Variants in UROS observed in about 807,000 individuals in gnomAD.
UROS encodes the protein uroporphyrinogen-III synthase.
A neutral mutation model predicts 33.0 loss-of-function variants in UROS; 18 were observed. The observed-to-expected ratio is 0.55, with a 90% CI of 0.38 to 0.81. UROS has a LOEUF of 0.81. Among genes scored for constraint, UROS ranks in the 30% least tolerant of loss-of-function variants. The pLI, the probability that UROS is intolerant of heterozygous loss-of-function variation, is 0.00. For synonymous variants in UROS, 114 were observed against 121.1 expected (o/e 0.94, Z 0.38); for missense variants, 293 against 314.9 (o/e 0.93, Z 0.53).
chr10:125,814,936 T>A, intron 4 of UROS, 98 bp downstream of exon 4: 1 of 1,368,134 alleles, frequency 7.3e-7, no homozygotes, highest in Non-Finnish European at 1.0e-6. Context: ...AGCACTCACT[T>A]CTCTTAGAAG....
intron 6 of UROS, chr10:125,802,296 T>C (rs1044068232): frequency 4.7e-5 from 46 of 985,806 alleles, no homozygotes; most frequent in Non-Finnish European, 5.3e-5. Flanking sequence ...GCCCAACCAG[T>C]GCTCTCTGAT....
chr10:125,811,590 C>A (rs998798402), intron 5 of UROS, among the ~76,000 whole-genome samples: 21 of 152,180 alleles, frequency 1.4e-4, no homozygotes, highest in African/African-American at 5.1e-4. Context: ...ACTATTTTCA[C>A]TCATATTATA....
chr10:125,808,974 C>T (rs538394360), intron 5 of UROS, among the ~76,000 whole-genome samples: 2 of 152,372 alleles, frequency 1.3e-5, no homozygotes, highest in African/African-American at 4.8e-5. Flanking sequence ...CAAGTAAAAG[C>T]TGACAGTGAA....
At chr10:125,804,782 C>A (rs1048650806) in intron 6 of UROS, among the ~76,000 whole-genome samples, 1 of 152,184 alleles carries the variant, frequency 6.6e-6, no homozygotes, top group Non-Finnish European at 1.5e-5. Flanking sequence ...GCCCACCATA[C>A]AAAAACTGTT....
intron 1 of UROS, among the ~76,000 whole-genome samples, chr10:125,820,775 G>C (rs944946279): frequency 2.6e-5 from 4 of 152,188 alleles, no homozygotes; most frequent in African/African-American, 9.7e-5. Context: ...ATGGAATTTG[G>C]ATCCTGGTCT....
intron 8 of UROS, 106 bp from the exon 9 acceptor site, chr10:125,795,084 C>T (rs113296761): frequency 1.1e-5 from 12 of 1,093,910 alleles, no homozygotes; most frequent in South Asian, 5.1e-5. Flanking sequence ...GCCACCAAGG[C>T]GGTTTTAGCA....
At chr10:125,802,009 C>T in intron 6 of UROS, 5 of 985,192 alleles carry the variant, frequency 5.1e-6, no homozygotes, top group Non-Finnish European at 6.0e-6. Context: ...GTCAGCCACC[C>T]ATAGAAATAA....
chr10:125,796,095 C>T lies in UROS; in HGVS notation c.561+8G>A, dbSNP rs772629473. On this transcript the variant is annotated splice_region_variant and intron_variant, in intron 8 of 9. Coordinates refer to ENST00000368797, the MANE Select transcript of UROS (RefSeq NM_000375.3). Reference sequence around the variant, plus strand: ...ACCCTGCCAGAACCGCCCCCAAACGCCACGTACCTGCTGGGAATAGTAGCT... The same window carrying T: ...ACCCTGCCAGAACCGCCCCCAAACGTCACGTACCTGCTGGGAATAGTAGCT... 91 of 1,613,932 alleles carry T rather than the reference C, an allele frequency of 5.6e-5. No homozygotes were observed. The highest frequency in any genetic ancestry group is 7.2e-5 in the Non-Finnish European group (85 of 1,179,996).
At chr10:125,812,158 A>G in intron 5 of UROS, 56 bp downstream of exon 5, 1 of 1,542,868 alleles carries the variant, frequency 6.5e-7, no homozygotes, top group Non-Finnish European at 8.9e-7. Flanking sequence ...ACTGTTTTTT[A>G]AAACTGAAAA....
intron 3 of UROS, 131 bp downstream of exon 3, chr10:125,816,046 G>C: frequency 4.1e-6 from 4 of 971,586 alleles, no homozygotes; most frequent in Non-Finnish European, 6.4e-6. Context: ...CCTGGAGCCA[G>C]GTGAAGTTAT....
chr10:125,798,387 C>G (rs1188636137), intron 6 of UROS, among the ~76,000 whole-genome samples: 2 of 152,204 alleles, frequency 1.3e-5, no homozygotes, highest in African/African-American at 4.8e-5. Context: ...AATGAACATC[C>G]ACACAAACAA....
chr10:125,808,652 T>C (rs1388853768), intron 5 of UROS, among the ~76,000 whole-genome samples: 1 of 152,236 alleles, frequency 6.6e-6, no homozygotes, highest in Non-Finnish European at 1.5e-5. Context: ...CTCTCATATA[T>C]AGCTTTGCTG....
intron 5 of UROS, among the ~76,000 whole-genome samples, chr10:125,807,754 G>C (rs79189246): frequency 6.6e-6 from 1 of 152,114 alleles, no homozygotes; most frequent in East Asian, 1.9e-4. Context: ...TCTACAAGAG[G>C]GGGAAAAACC....
intron 6 of UROS, among the ~76,000 whole-genome samples, chr10:125,804,569 T>A (rs1806388281): frequency 6.6e-6 from 1 of 152,204 alleles, no homozygotes; most frequent in African/African-American, 2.4e-5. Context: ...CCAATACTTG[T>A]ATCTAAAGTG....
intron 6 of UROS, among the ~76,000 whole-genome samples, chr10:125,799,650 C>T (rs1258308450): frequency 6.6e-6 from 1 of 152,202 alleles, no homozygotes; most frequent in Non-Finnish European, 1.5e-5. Flanking sequence ...CTGAGGGCAG[C>T]TGCTTGTCTC....
At chr10:125,800,047 G>A (rs1199714181) in intron 6 of UROS, among the ~76,000 whole-genome samples, 2 of 152,136 alleles carry the variant, frequency 1.3e-5, no homozygotes, top group Non-Finnish European at 2.9e-5. Flanking sequence ...GGGCTGTCCG[G>A]GCTGATGATG....
chr10:125,797,105 T>G (rs896385868), intron 7 of UROS, among the ~76,000 whole-genome samples: 1 of 152,186 alleles, frequency 6.6e-6, no homozygotes, highest in African/African-American at 2.4e-5. Context: ...CTGCCTTTAT[T>G]CCTGGTAGCT....
chr10:125,798,904 A>G (rs1192249473), intron 6 of UROS, among the ~76,000 whole-genome samples: 1 of 152,232 alleles, frequency 6.6e-6, no homozygotes. Flanking sequence ...TAAGTTGTCA[A>G]ATGCCAGAAT....
intron 6 of UROS, among the ~76,000 whole-genome samples, chr10:125,803,970 C>T (rs1852085481): frequency 6.6e-6 from 1 of 152,262 alleles, no homozygotes; most frequent in African/African-American, 2.4e-5. Flanking sequence ...TGACATGACA[C>T]TGTGATACAA....
Sources: allele counts gnomAD v4.1 joint callset (sites outside exome capture counted in the v4.1 genomes callset), GRCh38; gene constraint gnomAD v4.1.1; transcripts MANE v1.5; gene names NCBI Gene and HGNC (gene_info 2026-07-23, HGNC 2026-07-21).